Variants in HDLBP observed in about 807,000 individuals in gnomAD.
HDLBP encodes high density lipoprotein binding protein.
In HDLBP, 30 loss-of-function variants were observed where a neutral mutation model predicts 137.3. The ratio of observed to expected loss-of-function variants is 0.22; its 90% confidence interval spans 0.16 to 0.30. The LOEUF (loss-of-function observed/expected upper bound fraction) is 0.30. Among genes scored for constraint, HDLBP ranks in the 10% least tolerant of loss-of-function variants. HDLBP has a pLI of 1.00. For missense variants in HDLBP, 1,119 were observed against 1,667.3 expected, an observed-to-expected ratio of 0.67 and a Z score of 5.73; for synonymous variants, 606 against 596.0, an observed-to-expected ratio of 1.02 and a Z score of -0.24.
At chr2:241,313,425 G>A (rs750950564) in intron 1 of HDLBP, among the ~76,000 whole-genome samples, 3 of 152,024 alleles carry the variant, frequency 2.0e-5, no homozygotes, top group African/African-American at 7.2e-5. Flanking sequence ...GATTACAGGC[G>A]CGCGCCACCA....
At chr2:241,282,541 G>A (rs1575017254) in intron 1 of HDLBP, among the ~76,000 whole-genome samples, 1 of 152,284 alleles carries the variant, frequency 6.6e-6, no homozygotes, top group Non-Finnish European at 1.5e-5. Context: ...TCTTACTTGG[G>A]TTTTTTAGAC....
chr2:241,265,050 C>T (rs1356007046), intron 3 of HDLBP, among the ~76,000 whole-genome samples: 1 of 152,242 alleles, frequency 6.6e-6, no homozygotes, highest in African/African-American at 2.4e-5. Flanking sequence ...AACAATGGTC[C>T]TACCCAGCAC....
At chr2:241,280,588 G>A (rs1376446211) in intron 1 of HDLBP, among the ~76,000 whole-genome samples, 2 of 152,124 alleles carry the variant, frequency 1.3e-5, no homozygotes, top group Non-Finnish European at 2.9e-5. Context: ...CGTATTTCTA[G>A]GTAAGGTGAA....
In HDLBP at chr2:241,241,277, A is replaced by G. The variant is rs530711959; in HGVS notation, c.2170-1155T>C. On this transcript the variant is annotated intron_variant, in intron 17 of 27. Transcript: ENST00000310931. ...TGTGACATATAAAATAAGGATCCACAAAACAGTGGGCCGGGCGCAGTGGCT... is the reference window on the plus strand; with the variant it reads ...TGTGACATATAAAATAAGGATCCACGAAACAGTGGGCCGGGCGCAGTGGCT... Among the ~76,000 whole-genome samples, 29 of 152,300 alleles carry G rather than the reference A, an allele frequency of 1.9e-4. 1 individual carries two copies. The South Asian group carries it at 6.0e-3, about 32-fold the overall frequency.
intron 23 of HDLBP, among the ~76,000 whole-genome samples, chr2:241,234,802 C>T (rs889190769): frequency 1.3e-5 from 2 of 152,236 alleles, no homozygotes; most frequent in Admixed American, 1.3e-4. Context: ...CTGCATAGCA[C>T]ATGCTTGGGG....
chr2:241,229,842 G>A lies in HDLBP; in HGVS notation c.3711C>T (p.Ser1237=). The A allele has an allele frequency of 1.4e-6, 2 of 1,464,526 alleles. No individual in the cohort carries two copies. The highest frequency in any genetic ancestry group is 1.8e-6 in the Non-Finnish European group (2 of 1,093,838). The allele number at this position is 1,464,526 out of a possible 1,614,324, so 90.7% of individuals were successfully genotyped here. A position where few individuals can be genotyped will look rare whatever the true frequency, so the allele number is the denominator to read the frequency against. Residue 1237 remains serine (S), a synonymous_variant, in exon 27 of 28, where the codon AGC becomes AGT. Transcript: ENST00000310931. Reference sequence around the variant, plus strand: ...GAAGCCCGCATCTGACCTTCTCACTGCTGCTGGCGGTCCAGGGTGCGTCCC... The same window carrying A: ...GAAGCCCGCATCTGACCTTCTCACTACTGCTGGCGGTCCAGGGTGCGTCCC... The part of the protein sequence containing the change: ...VVRDAPWTAS[S]SEKAPDMSSS...
chr2:241,273,290 T>A, intron 1 of HDLBP: 1 of 940,930 alleles, frequency 1.1e-6, no homozygotes, highest in Non-Finnish European at 1.3e-6. Context: ...GCGTGCCTAT[T>A]CCTTATGTCC....
Position 241,230,185 on chromosome 2 carries a change from T to C in HDLBP, c.3559A>G (p.Ile1187Val). The change falls in exon 26 of 28, where the codon ATC becomes GTC. Residue 1187 changes from isoleucine to valine, a missense_variant. Around this residue, in one of 4 missense-constraint regions of HDLBP, gnomAD observed 618 missense variants for 816.7 expected, o/e 0.76. Transcript: ENST00000310931. This position sits in a 1 kb window ranked among gnomAD's most constrained non-coding sequence, Gnocchi z 5.0. Reference sequence around the variant, plus strand: ...TCCTCCAGATTGAGGATGTGGTCGATGGCTTCCTCCACATTCTCTGGGAGC... The same window carrying C: ...TCCTCCAGATTGAGGATGTGGTCGACGGCTTCCTCCACATTCTCTGGGAGC... ...TGLPENVEEA[I>V]DHILNLEEEY... is the part of the protein sequence containing the mutation. 6.2e-7 allele frequency: 1 copy of C among 1,613,670 alleles called. No homozygotes were observed. Among genetic ancestry groups the C allele is most frequent in the Non-Finnish European group, 8.5e-7 (1 of 1,179,702 alleles).
At position 241,252,498 on chromosome 2, in the gene HDLBP, T is replaced by C. The variant is rs556479298; in HGVS notation, c.1372+459A>G. On this transcript the variant is annotated intron_variant, in intron 11 of 27. Coordinates refer to ENST00000310931, the MANE Select transcript of HDLBP (RefSeq NM_005336.6). ...GCCTGGGTGACAGAGTGAGACCCTG[T>C]CTCAAAAAAGTATCCCTCCCCATGT... Among the ~76,000 whole-genome samples the C allele has an allele frequency of 2.0e-5, 3 of 152,240 alleles. No homozygotes were observed. The East Asian group carries it at 5.8e-4, about 29-fold the overall frequency.
intron 11 of HDLBP, among the ~76,000 whole-genome samples, chr2:241,251,370 C>A (rs999931379): frequency 2.6e-5 from 4 of 152,214 alleles, no homozygotes; most frequent in African/African-American, 9.7e-5. Context: ...TACAGACTCT[C>A]GTCGCTGTCA....
At chr2:241,276,445 A>G (rs1351077341) in intron 1 of HDLBP, among the ~76,000 whole-genome samples, 1 of 152,182 alleles carries the variant, frequency 6.6e-6, no homozygotes, top group Non-Finnish European at 1.5e-5. Context: ...CAAGAAAAGT[A>G]AAAGAAGCAA....
intron 1 of HDLBP, among the ~76,000 whole-genome samples, chr2:241,289,836 G>T (rs2074949711): frequency 6.6e-6 from 1 of 152,122 alleles, no homozygotes; most frequent in African/African-American, 2.4e-5. Context: ...AGGCATCAAC[G>T]TGGGGTGAGT....
Position 241,236,583 on chromosome 2 carries a change from CG to C in HDLBP, c.2904+31del, listed in dbSNP as rs558291553. On this transcript the variant is annotated intron_variant, in intron 21 of 27. Transcript: ENST00000310931. ...CAGGTGCCTGCTGACTGGGCCTTGG[CG>C]GGGGGTGGAGGGGGGCACATGGACA... 1.1e-5 allele frequency: 18 copies of C among 1,607,568 alleles called. No homozygotes were observed. In the African/African-American group the frequency reaches 2.3e-4, roughly 20 times the overall value.
At chr2:241,312,834 TAA>T (rs1559563601) in intron 1 of HDLBP, among the ~76,000 whole-genome samples, 1 of 152,240 alleles carries the variant, frequency 6.6e-6, no homozygotes, top group Non-Finnish European at 1.5e-5. Flanking sequence ...CGAAGGATCG[TAA>T]GATATCCCAG....
At chr2:241,300,293 G>A (rs1206957966) in intron 1 of HDLBP, among the ~76,000 whole-genome samples, 1 of 152,114 alleles carries the variant, frequency 6.6e-6, no homozygotes, top group Admixed American at 6.5e-5. Flanking sequence ...AGCCCCAGTC[G>A]TACACTGCCC....
At chr2:241,293,013 C>T (rs531091157) in intron 1 of HDLBP, among the ~76,000 whole-genome samples, 5 of 150,700 alleles carry the variant, frequency 3.3e-5, no homozygotes, top group African/African-American at 7.3e-5. Flanking sequence ...GGCAACAAAG[C>T]GAGACCCCGT....
Position 241,235,270 on chromosome 2 carries a change from G to A in HDLBP, c.3010-15C>T, listed in dbSNP as rs1177805684. Reference sequence around the variant, plus strand: ...TGTATGTTCACCTACGTGAAGAGGGGGCTGACTTGACGTTCAGGACCCCAG... The same window carrying A: ...TGTATGTTCACCTACGTGAAGAGGGAGCTGACTTGACGTTCAGGACCCCAG... On this transcript the variant is annotated splice_polypyrimidine_tract_variant and intron_variant, in intron 22 of 27. Coordinates refer to ENST00000310931, the MANE Select transcript of HDLBP (RefSeq NM_005336.6). 9 of 1,614,006 alleles carry A rather than the reference G, an allele frequency of 5.6e-6. No individual in the cohort carries two copies. The highest frequency in any genetic ancestry group is 6.8e-6 in the Non-Finnish European group (8 of 1,180,028).
intron 1 of HDLBP, among the ~76,000 whole-genome samples, chr2:241,303,169 G>C (rs1244254335): frequency 6.6e-6 from 1 of 152,240 alleles, no homozygotes; most frequent in Admixed American, 6.5e-5. Context: ...ATTTGGTCCA[G>C]CCAGCCAAAC....
Position 241,248,238 on chromosome 2 carries a change from CTT to C in HDLBP, c.1617+4_1617+5del, listed in dbSNP as rs775531025. The stretch of plus-strand genomic sequence containing the variant: ...AGAGTTACAGAATGTCTCTGGGAAA[CTT>C]TACCTCTGGGAATTTGTCACGAATT... On this transcript the variant is annotated splice_donor_5th_base_variant and intron_variant, in intron 13 of 27. Transcript: ENST00000310931. 41 of 1,609,536 alleles carry C rather than the reference CTT, an allele frequency of 2.5e-5. No homozygotes were observed. In the East Asian group the frequency reaches 8.5e-4, roughly 33 times the overall value.
Sources: allele counts gnomAD v4.1 joint callset (sites outside exome capture counted in the v4.1 genomes callset), GRCh38; gene constraint gnomAD v4.1.1; regional missense constraint gnomAD v4.1.1; non-coding constraint Gnocchi (gnomAD v3.1); transcripts MANE v1.5; gene names NCBI Gene and HGNC (gene_info 2026-07-23, HGNC 2026-07-21).